Variants in THADA observed in about 807,000 individuals in gnomAD.
THADA encodes THADA armadillo repeat containing.
Under a neutral mutation model 219.8 loss-of-function variants are expected in THADA, and 213 were observed. That is an observed-to-expected ratio of 0.97 (90% CI 0.87 to 1.09). The LOEUF is 1.09. Among genes scored for constraint, THADA ranks in the 50% least tolerant of loss-of-function variants. THADA has a pLI of 0.00. For synonymous variants in THADA, 1,018 were observed against 828.9 expected, an observed-to-expected ratio of 1.23 and a Z score of -3.92; for missense variants, 2,956 against 2,311.3, an observed-to-expected ratio of 1.28 and a Z score of -5.72.
intron 36 of THADA, among the ~76,000 whole-genome samples, chr2:43,233,876 G>A (rs985477342): frequency 6.6e-6 from 1 of 152,040 alleles, no homozygotes; most frequent in Non-Finnish European, 1.5e-5. Context: ...TGCACCAACT[G>A]ACATTGAAAG....
At chr2:43,395,187 T>A (rs1352322582) in intron 29 of THADA, among the ~76,000 whole-genome samples, 2 of 152,228 alleles carry the variant, frequency 1.3e-5, no homozygotes, top group South Asian at 2.1e-4. Context: ...CAAGAGTGGA[T>A]CTTCAGTAAA....
At chr2:43,515,333 A>AT (rs1553471281) in intron 22 of THADA, among the ~76,000 whole-genome samples, 1 of 13,436 alleles carries the variant, frequency 7.4e-5, no homozygotes, top group Non-Finnish European at 1.5e-4. Context: ...TATAATATAT[A>AT]ATATAATATA....
intron 6 of THADA, 111 bp from the exon 7 acceptor site, chr2:43,586,560 C>T: frequency 7.5e-7 from 1 of 1,329,226 alleles, no homozygotes; most frequent in Non-Finnish European, 1.0e-6. Flanking sequence ...GATATGGAAA[C>T]AAAAATTTAA....
intron 29 of THADA, among the ~76,000 whole-genome samples, chr2:43,361,034 G>C: frequency 6.6e-6 from 1 of 151,910 alleles, no homozygotes; most frequent in Admixed American, 6.6e-5. Flanking sequence ...CAACTGAAAG[G>C]GGGTGCTACC....
chr2:43,523,708 T>G (rs548594986), intron 22 of THADA, among the ~76,000 whole-genome samples: 2 of 152,206 alleles, frequency 1.3e-5, no homozygotes, highest in African/African-American at 4.8e-5. Context: ...AACTACTAAA[T>G]GTCACAATTT....
intron 20 of THADA, among the ~76,000 whole-genome samples, chr2:43,548,259 G>C (rs569176196): frequency 3.9e-4 from 59 of 152,330 alleles, no homozygotes; most frequent in African/African-American, 1.3e-3. Context: ...GCCATGTGAG[G>C]TGTCAGTCTG....
At chr2:43,281,137 A>T (rs1673305994) in intron 35 of THADA, among the ~76,000 whole-genome samples, 1 of 152,164 alleles carries the variant, frequency 6.6e-6, no homozygotes, top group Non-Finnish European at 1.5e-5. Flanking sequence ...CCTCTACCTC[A>T]TCTGTACATG....
intron 36 of THADA, among the ~76,000 whole-genome samples, chr2:43,272,147 C>CA (rs1270233248): frequency 6.6e-6 from 1 of 152,110 alleles, no homozygotes; most frequent in African/African-American, 2.4e-5. Flanking sequence ...ACAGCTACTG[C>CA]AAAGGCCCTG....
chr2:43,540,158 G>C (rs1695112853), intron 21 of THADA, among the ~76,000 whole-genome samples: 2 of 152,158 alleles, frequency 1.3e-5, no homozygotes, highest in African/African-American at 4.8e-5. Context: ...GTTGGCATTG[G>C]CACTACAGCC....
chr2:43,410,637 A>C (rs901301071), intron 28 of THADA, among the ~76,000 whole-genome samples: 3 of 152,130 alleles, frequency 2.0e-5, no homozygotes, highest in Non-Finnish European at 4.4e-5. Context: ...GACAAAATAG[A>C]ATGCATCCTG....
At chr2:43,297,437 G>A (rs1426076635) in intron 31 of THADA, among the ~76,000 whole-genome samples, 7 of 99,764 alleles carry the variant, frequency 7.0e-5, no homozygotes, top group Non-Finnish European at 1.1e-4. Context: ...CACCCCGTCC[G>A]GGAGGGAGGT....
chr2:43,545,906 C>A (rs1204043128), intron 20 of THADA, among the ~76,000 whole-genome samples: 1 of 151,916 alleles, frequency 6.6e-6, no homozygotes, highest in East Asian at 1.9e-4. Flanking sequence ...TATTTCTTGC[C>A]TTCTGCTAGC....
Position 43,341,471 on chromosome 2 carries a change from T to C in THADA, c.4343+2651A>G, listed in dbSNP as rs115753814. 8.6e-3 allele frequency among the ~76,000 whole-genome samples: 1,303 copies of C among 152,302 alleles called. 12 individuals carry two copies. Among genetic ancestry groups the C allele is most frequent in the Non-Finnish European group, 0.013 (915 of 68,028 alleles). Reference sequence around the variant, plus strand: ...TCCTCTTAGCTGCAGAGGAAGCTGATGGCAGCTTTGTCAGCCATCTTCAGG... The same window carrying C: ...TCCTCTTAGCTGCAGAGGAAGCTGACGGCAGCTTTGTCAGCCATCTTCAGG... On this transcript the variant is annotated intron_variant, in intron 30 of 37. Coordinates refer to ENST00000405975, the MANE Select transcript of THADA (RefSeq NM_022065.5).
intron 30 of THADA, among the ~76,000 whole-genome samples, chr2:43,338,524 C>T (rs1001065113): frequency 1.6e-4 from 24 of 152,154 alleles, no homozygotes; most frequent in African/African-American, 5.6e-4. Flanking sequence ...ATTTCCTCCT[C>T]TCTGTAGCCC....
At chr2:43,329,022 T>C (rs1679659945) in intron 30 of THADA, among the ~76,000 whole-genome samples, 1 of 152,188 alleles carries the variant, frequency 6.6e-6, no homozygotes, top group African/African-American at 2.4e-5. Context: ...AAAAGAGACC[T>C]TGGTGTGGGG....
chr2:43,593,702 G>A (rs901289301), intron 1 of THADA, among the ~76,000 whole-genome samples: 2 of 143,488 alleles, frequency 1.4e-5, no homozygotes, highest in Non-Finnish European at 3.0e-5. Flanking sequence ...GGCGCGATCT[G>A]CGCTCACTGC....
At chr2:43,517,987 C>T (rs773683185) in intron 22 of THADA, among the ~76,000 whole-genome samples, 3 of 152,146 alleles carry the variant, frequency 2.0e-5, no homozygotes, top group Non-Finnish European at 4.4e-5. Context: ...CTGCTTCTTG[C>T]CATTCAGGCC....
At chr2:43,438,452 A>G (rs1680424262) in intron 26 of THADA, among the ~76,000 whole-genome samples, 1 of 152,216 alleles carries the variant, frequency 6.6e-6, no homozygotes, top group South Asian at 2.1e-4. Context: ...AAAATAATTT[A>G]GGATTTTCTT....
intron 14 of THADA, among the ~76,000 whole-genome samples, chr2:43,569,316 G>C (rs747312559): frequency 6.6e-6 from 1 of 152,154 alleles, no homozygotes; most frequent in Non-Finnish European, 1.5e-5. Context: ...GAGATATATA[G>C]TTTACATCAC....
Sources: allele counts gnomAD v4.1 joint callset (sites outside exome capture counted in the v4.1 genomes callset), GRCh38; gene constraint gnomAD v4.1.1; transcripts MANE v1.5; gene names NCBI Gene and HGNC (gene_info 2026-07-23, HGNC 2026-07-21).